The following LPCAT1 variants were observed in gnomAD, a reference collection of about 807,000 sequenced individuals.
LPCAT1 encodes 1-acylglycerol-3-phosphate O-acyltransferase.
A neutral mutation model predicts 60.9 loss-of-function variants in LPCAT1; 23 were observed. That is an observed-to-expected ratio of 0.38 (90% confidence interval 0.27 to 0.53). The LOEUF is 0.53. Among genes scored for constraint, LPCAT1 ranks in the 20% least tolerant of loss-of-function variants. The probability of loss-of-function intolerance (pLI) is 0.82; values close to 1 mark genes in which losing one functional copy is unlikely to be tolerated. For missense variants in LPCAT1, 622 were observed against 723.6 expected (o/e 0.86, Z 1.61); for synonymous variants, 340 against 301.1 (o/e 1.13, Z -1.34).
intron 12 of LPCAT1, among the ~76,000 whole-genome samples, chr5:1,469,118 T>C (rs1734563773): frequency 6.6e-6 from 1 of 152,180 alleles, no homozygotes; most frequent in South Asian, 2.1e-4. Flanking sequence ...GGGACCCTGG[T>C]GTCGCCGTGG....
chr5:1,478,714 T>C (rs139260425), intron 8 of LPCAT1, among the ~76,000 whole-genome samples: 9 of 152,414 alleles, frequency 5.9e-5, no homozygotes, highest in Admixed American at 2.6e-4. Flanking sequence ...GTATATTTCG[T>C]AGTGCTCTCC....
intron 3 of LPCAT1, 95 bp downstream of exon 3, chr5:1,494,605 C>T: frequency 8.3e-7 from 1 of 1,204,232 alleles, no homozygotes; most frequent in Non-Finnish European, 1.2e-6. Context: ...CCCTCACTCC[C>T]AGCAGGAGGG....
At chr5:1,484,467 T>TC in intron 5 of LPCAT1, among the ~76,000 whole-genome samples, 1 of 152,344 alleles carries the variant, frequency 6.6e-6, no homozygotes, top group South Asian at 2.1e-4. Context: ...TGAGAAGGGC[T>TC]CCCCTGCCTG....
intron 11 of LPCAT1, among the ~76,000 whole-genome samples, chr5:1,471,602 T>G (rs936640130): frequency 6.7e-6 from 1 of 149,426 alleles, no homozygotes; most frequent in East Asian, 2.0e-4. Flanking sequence ...GGGGGAAGAC[T>G]CTCTGGTCAG....
intron 1 of LPCAT1, among the ~76,000 whole-genome samples, 163 bp from the exon 2 acceptor site, chr5:1,501,766 GAGGCTGACCA>G (rs373375568): frequency 1.5e-3 from 227 of 152,018 alleles, no homozygotes; most frequent in African/African-American, 5.0e-3. Context: ...AGCACTGACC[GAGGCTGACCA>G]AGGCTGACCG....
rs1227857150 is a variant in LPCAT1 at position 1,477,501 on chromosome 5, A to C, written c.817-15T>G. On this transcript the variant is annotated splice_polypyrimidine_tract_variant and intron_variant, in intron 8 of 13. Coordinates refer to ENST00000283415, the MANE Select transcript of LPCAT1 (RefSeq NM_024830.5). This position sits in a 1 kb window ranked among gnomAD's most constrained non-coding sequence, Gnocchi z 6.0. The stretch of plus-strand genomic sequence containing the variant: ...ACAGGAAGGAACTGAGCACACAGAG[A>C]AGCTGCGTTAGTATCACAAGACGCT... 3.1e-6 allele frequency: 5 copies of C among 1,598,152 alleles called. No individual in the cohort carries two copies. Among genetic ancestry groups the C allele is most frequent in the African/African-American group, 1.3e-5 (1 of 74,486 alleles).
Position 1,461,508 on chromosome 5 carries a change from AC to A in LPCAT1, c.*2142del, listed in dbSNP as rs1484362503. The A allele has an allele frequency of 6.6e-6, 1 of 152,338 alleles. No homozygotes were observed. The highest frequency in any genetic ancestry group is 2.4e-5 in the African/African-American group (1 of 41,374). 9.4% of individuals were successfully genotyped at this position (152,338 alleles called of 1,614,324 possible). ...ATGGCAACCCTCCCTCTGCCCTCAC[AC>A]CCCAGCAGGTCCCCGCAGGCCAGGG... is the stretch of plus-strand genomic sequence containing the variant. On this transcript the variant is annotated 3_prime_UTR_variant, in exon 14 of 14. Transcript: ENST00000283415.
chr5:1,486,286 A>T (rs1163481847), intron 5 of LPCAT1, among the ~76,000 whole-genome samples: 1 of 151,972 alleles, frequency 6.6e-6, no homozygotes, highest in African/African-American at 2.4e-5. Context: ...CAGAGGCGGC[A>T]CCCCTGGCCT....
chr5:1,504,760 C>T lies in LPCAT1; in HGVS notation c.136-3157G>A, dbSNP rs1467488330. ...CGACAATAAGTTACTGGGTAAGTTT[C>T]TTCTTCCCATAAATTGTTCTTAGAA... On this transcript the variant is annotated intron_variant, in intron 1 of 13. Coordinates refer to ENST00000283415, the MANE Select transcript of LPCAT1 (RefSeq NM_024830.5). Among the ~76,000 whole-genome samples the T allele has an allele frequency of 6.7e-5, 10 of 149,420 alleles. No individual in the cohort carries two copies. The East Asian group carries it at 1.8e-3, about 27-fold the overall frequency.
In LPCAT1 at chr5:1,462,532, C is replaced by T. The variant is rs994513095; in HGVS notation, c.*1119G>A. On this transcript the variant is annotated 3_prime_UTR_variant, in exon 14 of 14. Coordinates refer to ENST00000283415, the MANE Select transcript of LPCAT1 (RefSeq NM_024830.5). ...CAGACATCCTCATCACCCTCCGCACCGCACAGCCCAGCGTCTCCTTCCACA... is the reference window on the plus strand; with the variant it reads ...CAGACATCCTCATCACCCTCCGCACTGCACAGCCCAGCGTCTCCTTCCACA... The T allele has an allele frequency of 2.0e-5, 3 of 152,332 alleles. No individual in the cohort carries two copies. Among genetic ancestry groups the T allele is most frequent in the Admixed American group, 6.6e-5 (1 of 15,264 alleles). The allele number at this position is 152,332 out of a possible 1,614,324, so 9.4% of individuals were successfully genotyped here.
At chr5:1,515,303 C>T (rs987754469) in intron 1 of LPCAT1, among the ~76,000 whole-genome samples, 98 of 151,996 alleles carry the variant, frequency 6.4e-4, no homozygotes, top group African/African-American at 2.3e-3. Flanking sequence ...CAAGAGTCCC[C>T]AGCCTGCCCG....
chr5:1,484,005 G>A (rs1012553954), intron 5 of LPCAT1, among the ~76,000 whole-genome samples: 2 of 152,248 alleles, frequency 1.3e-5, no homozygotes, highest in Admixed American at 6.5e-5. Flanking sequence ...CCCACCTGAC[G>A]GGGTTAGGGT....
chr5:1,486,047 C>T (rs1405716197), intron 5 of LPCAT1, among the ~76,000 whole-genome samples: 1 of 152,138 alleles, frequency 6.6e-6, no homozygotes, highest in Non-Finnish European at 1.5e-5. Flanking sequence ...ATGTGGAGGG[C>T]GTGGGCCCAG....
At chr5:1,517,538 G>T (rs112832214) in intron 1 of LPCAT1, among the ~76,000 whole-genome samples, 8 of 152,346 alleles carry the variant, frequency 5.3e-5, no homozygotes, top group African/African-American at 1.9e-4. Flanking sequence ...GGCACAGGAG[G>T]CACCGGGCAT....
intron 1 of LPCAT1, among the ~76,000 whole-genome samples, chr5:1,512,093 G>A (rs2963282): frequency 0.054 from 8,268 of 152,314 alleles, 315 homozygotes; most frequent in African/African-American, 0.1. Flanking sequence ...GGCAGAGGGC[G>A]TACCACACTT....
chr5:1,507,495 G>A (rs188692959), intron 1 of LPCAT1, among the ~76,000 whole-genome samples: 14 of 152,350 alleles, frequency 9.2e-5, no homozygotes, highest in Admixed American at 7.8e-4. Flanking sequence ...GACTGCGGCC[G>A]CTAAATACCA....
intron 12 of LPCAT1, 88 bp downstream of exon 12, chr5:1,470,735 ATAT>A (rs1734632680): frequency 1.1e-6 from 1 of 887,920 alleles, no homozygotes. Context: ...CAATTAACTG[ATAT>A]TATAAGGAAC....
At chr5:1,515,050 C>G (rs546288426) in intron 1 of LPCAT1, among the ~76,000 whole-genome samples, 1 of 152,332 alleles carries the variant, frequency 6.6e-6, no homozygotes, top group South Asian at 2.1e-4. Flanking sequence ...CCCAAGCCCC[C>G]TGTGGTGGGA....
intron 9 of LPCAT1, among the ~76,000 whole-genome samples, chr5:1,475,566 C>T (rs1288906763): frequency 1.3e-5 from 2 of 152,234 alleles, no homozygotes; most frequent in Admixed American, 1.3e-4. Flanking sequence ...AAACCAAGGT[C>T]GAGGAAGGAT....
Sources: allele counts gnomAD v4.1 joint callset (sites outside exome capture counted in the v4.1 genomes callset), GRCh38; gene constraint gnomAD v4.1.1; non-coding constraint Gnocchi (gnomAD v3.1); transcripts MANE v1.5; gene names NCBI Gene and HGNC (gene_info 2026-07-23, HGNC 2026-07-21).